Variants in EMC1 observed in about 807,000 individuals in gnomAD.
EMC1 encodes the protein KIAA0090.
Under a neutral mutation model 128.8 loss-of-function variants are expected in EMC1, and 103 were observed. That is an observed-to-expected ratio of 0.80 (90% CI 0.68 to 0.94). The LOEUF is 0.94. Ranked by LOEUF, EMC1 falls within the 40% of genes least tolerant of loss-of-function variation. EMC1 has a pLI of 0.00. For missense variants in EMC1, 1,083 were observed against 1,250.6 expected, an observed-to-expected ratio of 0.87 and a Z score of 2.02; for synonymous variants, 442 against 490.4, an observed-to-expected ratio of 0.90 and a Z score of 1.30.
chr1:19,227,765 G>C (rs2093487405), intron 17 of EMC1, among the ~76,000 whole-genome samples: 2 of 152,302 alleles, frequency 1.3e-5, no homozygotes, highest in South Asian at 2.1e-4. Flanking sequence ...CCACTCGGGA[G>C]GCTGAGGCAG....
rs755619220 is a variant in EMC1, at chr1:19,243,716, GA to G, written c.287-10del. 1.9e-6 allele frequency: 3 copies of G among 1,613,740 alleles called. No individual in the cohort carries two copies. The African/African-American group carries it at 4.0e-5, about 22-fold the overall frequency. ...GGACACAGTGATCACATCTGGAAAAGAAAAGATCGTGGTGAAGTCATTTCCC... is the reference window on the plus strand; with the variant it reads ...GGACACAGTGATCACATCTGGAAAAGAAAGATCGTGGTGAAGTCATTTCCC... On this transcript the variant is annotated splice_polypyrimidine_tract_variant and intron_variant, in intron 3 of 22. Transcript: ENST00000477853.
chr1:19,243,880 C>G, intron 3 of EMC1, 70 bp downstream of exon 3: 1 of 1,554,020 alleles, frequency 6.4e-7, no homozygotes, highest in Non-Finnish European at 8.9e-7. Flanking sequence ...AGACCCTGTA[C>G]AGATCAAGGA....
chr1:19,237,070 A>G (rs2093570724), intron 12 of EMC1, 72 bp downstream of exon 12: 7 of 1,158,238 alleles, frequency 6.0e-6, no homozygotes, highest in East Asian at 2.3e-5. Flanking sequence ...CAGCCTCCCA[A>G]AAAACAGTCT....
chr1:19,232,019 T>C (rs1394242216), intron 15 of EMC1, among the ~76,000 whole-genome samples: 4 of 150,988 alleles, frequency 2.6e-5, no homozygotes, highest in African/African-American at 2.4e-5. Context: ...CCCAGTACTT[T>C]GGGAGGCCGA....
chr1:19,230,420 A>C (rs1440226770), intron 17 of EMC1, among the ~76,000 whole-genome samples: 1 of 150,238 alleles, frequency 6.7e-6, no homozygotes, highest in South Asian at 2.1e-4. Context: ...AATACAAAAA[A>C]TTAGCCGGGC....
At chr1:19,235,496 A>G (rs2093555927) in intron 12 of EMC1, among the ~76,000 whole-genome samples, 1 of 152,146 alleles carries the variant, frequency 6.6e-6, no homozygotes, top group African/African-American at 2.4e-5. Context: ...AGGTCAGGAG[A>G]TCGAGACCAT....
chr1:19,237,977 A>T (rs2151955743), intron 11 of EMC1, 40 bp downstream of exon 11: 2 of 1,605,072 alleles, frequency 1.2e-6, no homozygotes, highest in East Asian at 4.5e-5. Context: ...ATGTGCTGAG[A>T]AGCCCACAGG....
Position 19,235,233 on chromosome 1 carries a change from C to G in EMC1, c.1329G>C (p.Trp443Cys). Residue 443 changes from tryptophan to cysteine, a missense_variant, in exon 13 of 23, where the codon TGG (tryptophan) becomes TGC (cysteine). This residue lies in a region of EMC1 where 544 missense variants were observed against 572.4 expected (regional missense o/e 0.95). Coordinates refer to ENST00000477853, the MANE Select transcript of EMC1 (RefSeq NM_015047.3). Reference protein sequence around the residue: ...LQQLAGKVVLWSREESLAEVV... With the variant: ...LQQLAGKVVLCSREESLAEVV... The stretch of plus-strand genomic sequence containing the variant: ...CTTCTGCCAGGGACTCCTCACGGCT[C>G]CACAGCACCACCTTCCCTGCTACAG... 1 of 1,612,946 alleles carries G rather than the reference C, an allele frequency of 6.2e-7. No homozygotes were observed. Among genetic ancestry groups the G allele is most frequent in the Non-Finnish European group, 8.5e-7 (1 of 1,179,404 alleles).
At position 19,231,304 on chromosome 1, in the gene EMC1, T is replaced by C. The variant is rs774259506; in HGVS notation, c.1901A>G (p.Gln634Arg). 1.2e-6 allele frequency: 2 copies of C among 1,610,528 alleles called. No individual in the cohort carries two copies. Among genetic ancestry groups the C allele is most frequent in the South Asian group, 1.1e-5 (1 of 90,456 alleles). ...LQSLLLPVMD[Q>R]DYAKVLLLID... ...CAACAGCAACACCTTGGCGTAGTCT[T>C]GATCCATGACTGGGAGAAGCAAGGA... Residue 634 changes from glutamine (Q) to arginine (R), a missense_variant, in exon 16 of 23, where the codon CAA becomes CGA. Around this residue, in one of 3 missense-constraint regions of EMC1, gnomAD observed 527 missense variants for 644.1 expected, o/e 0.82. Transcript: ENST00000477853.
intron 18 of EMC1, among the ~76,000 whole-genome samples, chr1:19,226,509 C>T (rs2093474543): frequency 6.6e-6 from 1 of 151,770 alleles, no homozygotes; most frequent in Non-Finnish European, 1.5e-5. Context: ...TACTATGTTT[C>T]CTAGGTTGAT....
intron 1 of EMC1, among the ~76,000 whole-genome samples, 174 bp from the exon 2 acceptor site, chr1:19,245,204 G>A (rs1042901907): frequency 2.6e-5 from 4 of 152,116 alleles, no homozygotes; most frequent in South Asian, 2.1e-4. Flanking sequence ...TTGGGAGGCC[G>A]AGGCAGGCAG....
chr1:19,243,566 C>A (rs773797133), intron 4 of EMC1, 48 bp downstream of exon 4: 4 of 1,519,462 alleles, frequency 2.6e-6, no homozygotes, highest in Non-Finnish European at 3.7e-6. Context: ...ATCTGTGTTC[C>A]GGTGAAGCCT....
chr1:19,234,969 T>C (rs1442659309), intron 13 of EMC1, among the ~76,000 whole-genome samples, 161 bp downstream of exon 13: 3 of 152,194 alleles, frequency 2.0e-5, no homozygotes, highest in Non-Finnish European at 4.4e-5. Flanking sequence ...ATAAACCATA[T>C]GGCCATGAAT....
Position 19,219,451 on chromosome 1 carries a change from G to C in EMC1, c.2834C>G (p.Thr945Ser). Reference sequence around the variant, plus strand: ...AAACTGCTTGGATGGGTAGACTCGAGTTTGGTAAATGTCCAAACCATAGGC... The same window carrying C: ...AAACTGCTTGGATGGGTAGACTCGACTTTGGTAAATGTCCAAACCATAGGC... ...VVAYGLDIYQ[T>S]RVYPSKQFDV... The change falls in exon 23 of 23, where the codon ACT becomes AGT. Residue 945 changes from threonine (T) to serine (S), a missense_variant. This residue lies in a region of EMC1 where 527 missense variants were observed against 644.1 expected (regional missense o/e 0.82). Coordinates refer to ENST00000477853, the MANE Select transcript of EMC1 (RefSeq NM_015047.3). The C allele has an allele frequency of 6.2e-7, 1 of 1,613,944 alleles. No individual in the cohort carries two copies. Among genetic ancestry groups the C allele is most frequent in the Non-Finnish European group, 8.5e-7 (1 of 1,180,006 alleles).
At position 19,223,517 on chromosome 1, in the gene EMC1, T is replaced by A. The variant is rs749499331; in HGVS notation, c.2255A>T (p.His752Leu). The change falls in exon 19 of 23, where the codon CAT becomes CTT. Residue 752 changes from histidine (H) to leucine (L), a missense_variant. Physicochemically the swap from His to Leu is moderately conservative, Grantham distance 99. Transcript: ENST00000477853. ...AVVTESTDAH[H>L]ERTFIGIFLI... ...GAAGATGCCAATAAAGGTGCGCTCA[T>A]GGTGCGCGTCTGTGCTCTCTGTCAC... 1 of 1,614,144 alleles carries A rather than the reference T, an allele frequency of 6.2e-7. No individual in the cohort carries two copies. Among genetic ancestry groups the A allele is most frequent in the Non-Finnish European group, 8.5e-7 (1 of 1,180,000 alleles).
intron 18 of EMC1, among the ~76,000 whole-genome samples, chr1:19,223,810 T>C (rs16862620): frequency 0.02 from 2,994 of 152,322 alleles, 41 homozygotes; most frequent in South Asian, 0.056. Context: ...AGAGTAGCTA[T>C]TATGGTCCAC....
chr1:19,245,332 T>G (rs1306989553), intron 1 of EMC1, among the ~76,000 whole-genome samples: 1 of 152,018 alleles, frequency 6.6e-6, no homozygotes, highest in Non-Finnish European at 1.5e-5. Flanking sequence ...TCCCAGCTAC[T>G]CGGGAGGCTG....
At chr1:19,223,701 G>C (rs1177863738) in intron 18 of EMC1, 132 bp from the exon 19 acceptor site, 4 of 765,150 alleles carry the variant, frequency 5.2e-6, no homozygotes, top group Non-Finnish European at 8.3e-6. Context: ...AGAGCTTCCT[G>C]TTTGGAATTT....
intron 19 of EMC1, 149 bp downstream of exon 19, chr1:19,223,247 G>A: frequency 1.4e-6 from 1 of 725,416 alleles, no homozygotes; most frequent in Non-Finnish European, 2.4e-6. Context: ...TCTGATTCCT[G>A]AGCCCAGTGC....
Sources: gnomAD v4.1 joint callset for allele counts (sites outside exome capture counted in the v4.1 genomes callset) on GRCh38, gnomAD v4.1.1 for gene constraint, gnomAD v4.1.1 regional missense constraint, MANE v1.5 for transcripts, NCBI Gene and HGNC (gene_info 2026-07-23, HGNC 2026-07-21) for gene names.